Variants in MAP3K19 observed in about 807,000 individuals in gnomAD.
The protein encoded by MAP3K19 is SPS1/STE20-related protein kinase YSK4.
Under a neutral mutation model 114.4 loss-of-function variants are expected in MAP3K19, and 91 were observed. The observed-to-expected ratio is 0.80, with a 90% CI of 0.67 to 0.95. The LOEUF (loss-of-function observed/expected upper bound fraction) is 0.95, where lower values mean the gene tolerates loss of function less well. MAP3K19 is among the 40% of genes least tolerant of loss of function. The pLI, the probability that MAP3K19 is intolerant of heterozygous loss-of-function variation, is 0.00. For synonymous variants in MAP3K19, 518 were observed against 530.5 expected, an observed-to-expected ratio of 0.98 and a Z score of 0.32; for missense variants, 1,471 against 1,573.2, an observed-to-expected ratio of 0.94 and a Z score of 1.10.
chr2:134,982,113 C>CTTTTTTTT (rs35219224), intron 11 of MAP3K19, among the ~76,000 whole-genome samples: 4 of 76,352 alleles, frequency 5.2e-5, no homozygotes, highest in East Asian at 3.7e-4. Flanking sequence ...CTTTTTCTTT[C>CTTTTTTTT]TTTTTTTTTT....
At chr2:135,018,923 A>G (rs1474550928) in intron 5 of MAP3K19, among the ~76,000 whole-genome samples, 1 of 152,064 alleles carries the variant, frequency 6.6e-6, no homozygotes, top group Non-Finnish European at 1.5e-5. Flanking sequence ...CATCTCTACT[A>G]AAAATACAAA....
At chr2:135,020,295 T>C (rs1317810233) in intron 5 of MAP3K19, among the ~76,000 whole-genome samples, 2 of 152,062 alleles carry the variant, frequency 1.3e-5, no homozygotes, top group Non-Finnish European at 2.9e-5. Flanking sequence ...CTGGGATTAC[T>C]GGCGTGAGCC....
intron 5 of MAP3K19, among the ~76,000 whole-genome samples, chr2:135,020,813 G>C (rs1687919519): frequency 6.6e-6 from 1 of 152,098 alleles, no homozygotes; most frequent in Non-Finnish European, 1.5e-5. Flanking sequence ...GTGAAGATGT[G>C]CCTGCTTCCC....
chr2:134,994,822 C>A (rs891260581), intron 8 of MAP3K19, among the ~76,000 whole-genome samples: 4 of 152,128 alleles, frequency 2.6e-5, no homozygotes, highest in African/African-American at 9.7e-5. Context: ...ACAAATTCAA[C>A]TGATATGTGA....
chr2:135,008,001 T>C (rs1686952448), intron 5 of MAP3K19, among the ~76,000 whole-genome samples: 1 of 152,242 alleles, frequency 6.6e-6, no homozygotes, highest in Non-Finnish European at 1.5e-5. Context: ...ATCACATAAT[T>C]TTTGTATCTG....
chr2:134,986,809 A>T lies in MAP3K19; in HGVS notation c.2063T>A (p.Ile688Lys), dbSNP rs1420923956. 1 of 1,614,224 alleles carries T rather than the reference A, an allele frequency of 6.2e-7. No individual in the cohort carries two copies. Among genetic ancestry groups the T allele is most frequent in the Non-Finnish European group, 8.5e-7 (1 of 1,180,044 alleles). Residue 688 changes from isoleucine (I) to lysine (K), a missense_variant, in exon 10 of 13, where the codon ATA becomes AAA. Transcript: ENST00000392915. ...ACGTCTGCCTGATGGAGCCGAACAT[A>T]TCTCACGGTAATACGTGTTTTCATC... The part of the protein sequence containing the change: ...ERDENTYYRE[I>K]CSAPSGRRIT...
chr2:135,008,786 G>A (rs1447095674), intron 5 of MAP3K19, among the ~76,000 whole-genome samples: 2 of 151,092 alleles, frequency 1.3e-5, no homozygotes, highest in African/African-American at 4.9e-5. Flanking sequence ...TATGATTATT[G>A]TTATTATTTT....
At chr2:135,027,006 G>A (rs1368055946) in intron 3 of MAP3K19, among the ~76,000 whole-genome samples, 1 of 152,188 alleles carries the variant, frequency 6.6e-6, no homozygotes, top group African/African-American at 2.4e-5. Flanking sequence ...CACAGCTTGG[G>A]AGGCCAAGAT....
At chr2:134,977,604 C>T (rs932183036) in intron 12 of MAP3K19, among the ~76,000 whole-genome samples, 2 of 152,050 alleles carry the variant, frequency 1.3e-5, no homozygotes, top group East Asian at 1.9e-4. Context: ...CCTCGTGATC[C>T]GCCCGCCTCG....
chr2:135,003,680 G>A (rs527523981), intron 6 of MAP3K19, among the ~76,000 whole-genome samples: 1 of 151,546 alleles, frequency 6.6e-6, no homozygotes, highest in African/African-American at 2.4e-5. Flanking sequence ...TCAGCCTCCC[G>A]AGTAGCTGGG....
chr2:134,985,617 A>C (rs1685036297), intron 10 of MAP3K19, among the ~76,000 whole-genome samples, 183 bp downstream of exon 10: 1 of 152,204 alleles, frequency 6.6e-6, no homozygotes, highest in Non-Finnish European at 1.5e-5. Context: ...AATATAATGA[A>C]AACATCTTAG....
At position 134,999,161 on chromosome 2, in the gene MAP3K19, G is replaced by T. The variant is rs1686248492; in HGVS notation, c.315-164C>A. 6.6e-6 allele frequency among the ~76,000 whole-genome samples: 1 copy of T among 152,190 alleles called. No homozygotes were observed. Among genetic ancestry groups the T allele is most frequent in the African/African-American group, 2.4e-5 (1 of 41,448 alleles). On this transcript the variant is annotated intron_variant, in intron 7 of 12. Transcript: ENST00000392915. The surrounding 1 kb of genome is among the most constrained non-coding windows in gnomAD (Gnocchi z 4.1). ...CTGAGAGGGTAAGACATCTCCACCTGCTGACTCCTCCTGGCCTCCTTAGCC... is the reference window on the plus strand; with the variant it reads ...CTGAGAGGGTAAGACATCTCCACCTTCTGACTCCTCCTGGCCTCCTTAGCC...
At position 135,021,812 on chromosome 2, in the gene MAP3K19, A is replaced by G. The variant is rs1317677658; in HGVS notation, c.41T>C (p.Leu14Ser). ...GTTTGTATCATGACAAATGTCAAGC[A>G]ATGACTCAGCATGTCTTTCTATCAA... ...MPKPERHAESLLDICHDTNSS... is the reference protein window; with the variant it reads ...MPKPERHAESSLDICHDTNSS... Residue 14 changes from leucine to serine, a missense_variant, in exon 5 of 13, where the codon TTG becomes TCG. By Grantham distance (145) the Leu-to-Ser change is moderately radical. Transcript: ENST00000392915. The G allele has an allele frequency of 6.9e-6, 11 of 1,605,304 alleles. No individual in the cohort carries two copies. The highest frequency in any genetic ancestry group is 9.4e-6 in the Non-Finnish European group (11 of 1,175,088).
At chr2:135,021,685 T>C in intron 5 of MAP3K19, 30 bp downstream of exon 5, 5 of 1,272,872 alleles carry the variant, frequency 3.9e-6, no homozygotes, top group Non-Finnish European at 5.7e-6. Flanking sequence ...GAGTAGGCTG[T>C]CCGTTGTTTC....
intron 6 of MAP3K19, among the ~76,000 whole-genome samples, chr2:135,000,516 T>C (rs903056829): frequency 2.5e-4 from 38 of 152,260 alleles, no homozygotes; most frequent in Middle Eastern, 3.2e-3. Context: ...AGCAAAATTA[T>C]GTAAAAAACT....
chr2:135,009,757 C>T (rs575047155), intron 5 of MAP3K19, among the ~76,000 whole-genome samples: 1 of 152,106 alleles, frequency 6.6e-6, no homozygotes, highest in South Asian at 2.1e-4. Flanking sequence ...CACATATTAA[C>T]CCATTTATCT....
At chr2:135,009,975 G>A (rs545881502) in intron 5 of MAP3K19, among the ~76,000 whole-genome samples, 2 of 151,900 alleles carry the variant, frequency 1.3e-5, no homozygotes, top group East Asian at 3.9e-4. Flanking sequence ...TAGCTTACAC[G>A]AGGTCACACA....
chr2:134,991,277 G>C (rs934849140), intron 9 of MAP3K19: 3 of 429,330 alleles, frequency 7.0e-6, no homozygotes, highest in African/African-American at 6.1e-5. Flanking sequence ...CTCTAGCCTG[G>C]GTGACAGAGT....
intron 2 of MAP3K19, among the ~76,000 whole-genome samples, chr2:135,035,870 C>T (rs565442830): frequency 2.5e-4 from 38 of 152,124 alleles, no homozygotes; most frequent in African/African-American, 7.2e-4. Flanking sequence ...GTTTCACTCT[C>T]GTTGCCCAGG....
Sources: gnomAD v4.1 joint callset for allele counts (sites outside exome capture counted in the v4.1 genomes callset) on GRCh38, gnomAD v4.1.1 for gene constraint, Gnocchi (gnomAD v3.1) non-coding constraint, MANE v1.5 for transcripts, NCBI Gene and HGNC (gene_info 2026-07-23, HGNC 2026-07-21) for gene names.